SCN9A: variants seen among roughly 807,000 people sequenced by gnomAD.
SCN9A encodes the protein sodium voltage-gated channel alpha subunit 9.
SCN9A carries 131 observed loss-of-function variants against 187.0 expected under a neutral mutation model. The observed-to-expected ratio is 0.70, with a 90% confidence interval of 0.61 to 0.81. The LOEUF is 0.81. SCN9A is among the 30% of genes least tolerant of loss of function. The probability of loss-of-function intolerance (pLI) is 0.00; values close to 1 mark genes in which losing one functional copy is unlikely to be tolerated. For synonymous variants in SCN9A, 809 were observed against 808.6 expected, an observed-to-expected ratio of 1.00 and a Z score of -0.01; for missense variants, 2,252 against 2,396.6, an observed-to-expected ratio of 0.94 and a Z score of 1.26.
intron 1 of SCN9A, among the ~76,000 whole-genome samples, chr2:166,332,985 C>T (rs764029915): frequency 1.9e-4 from 29 of 150,672 alleles, no homozygotes; most frequent in Non-Finnish European, 3.0e-4. Context: ...ATATTTTTGT[C>T]CTCAAGAAAA....
At chr2:166,360,864 G>A (rs1436375270) in intron 1 of SCN9A, among the ~76,000 whole-genome samples, 1 of 152,086 alleles carries the variant, frequency 6.6e-6, no homozygotes, top group African/African-American at 2.4e-5. Context: ...AAAACCTTAC[G>A]AAAATCTTAT....
chr2:166,347,276 A>G (rs753375127), intron 1 of SCN9A, among the ~76,000 whole-genome samples: 2 of 152,070 alleles, frequency 1.3e-5, no homozygotes, highest in Non-Finnish European at 2.9e-5. Flanking sequence ...GTTGTTTCCA[A>G]TTACACCTAC....
At chr2:166,301,989 G>C (rs1355666746) in intron 7 of SCN9A, 1 of 150,758 alleles carries the variant, frequency 6.6e-6, no homozygotes, top group Admixed American at 6.6e-5. Context: ...ATGTGGGCTA[G>C]GTGTTATTTG....
rs1055848224 is a variant in SCN9A at position 166,205,364 on chromosome 2, T to C, written c.4399-900A>G. 3.3e-5 allele frequency: 5 copies of C among 152,224 alleles called. No individual in the cohort carries two copies. The South Asian group carries it at 8.3e-4, about 25-fold the overall frequency. The allele number at this position is 152,224 out of a possible 1,614,324, so 9.4% of individuals were successfully genotyped here. ...GGCCTCAGAAATAACACTACACATCTACAACCATCTGATCCTTGACAAACC... is the reference window on the plus strand; with the variant it reads ...GGCCTCAGAAATAACACTACACATCCACAACCATCTGATCCTTGACAAACC... On this transcript the variant is annotated intron_variant, in intron 24 of 26. Transcript: ENST00000642356.
intron 1 of SCN9A, among the ~76,000 whole-genome samples, chr2:166,322,893 T>G (rs1256116033): frequency 6.6e-6 from 1 of 152,152 alleles, no homozygotes; most frequent in African/African-American, 2.4e-5. Context: ...TTTCTGATTC[T>G]AAAAATGTTG....
chr2:166,305,440 AT>A (rs1167600373), intron 5 of SCN9A, among the ~76,000 whole-genome samples: 2 of 152,076 alleles, frequency 1.3e-5, no homozygotes, highest in African/African-American at 4.8e-5. Context: ...CTGTACTTGT[AT>A]TTAAAGGCCT....
At position 166,359,912 on chromosome 2, in the gene SCN9A, T is replaced by C. The variant is rs529641451; in HGVS notation, c.-51+15785A>G. 2.0e-5 allele frequency among the ~76,000 whole-genome samples: 3 copies of C among 151,490 alleles called. No homozygotes were observed. In the East Asian group the frequency reaches 5.8e-4, roughly 29 times the overall value. ...ATGTATAGCCTTTTAAAATATAGTA[T>C]TCCTCAAGTTTATAAGAAATGAAAG... On this transcript the variant is annotated intron_variant, in intron 1 of 26. Transcript: ENST00000642356.
At chr2:166,269,193 A>G (rs1696869626) in intron 17 of SCN9A, among the ~76,000 whole-genome samples, 1 of 152,034 alleles carries the variant, frequency 6.6e-6, no homozygotes, top group African/African-American at 2.4e-5. Flanking sequence ...AACTCAGTTT[A>G]TAGGGCACTA....
At chr2:166,264,160 C>T (rs1190078278) in intron 17 of SCN9A, among the ~76,000 whole-genome samples, 1 of 151,754 alleles carries the variant, frequency 6.6e-6, no homozygotes, top group Non-Finnish European at 1.5e-5. Context: ...ATCTTTTTTC[C>T]CTCAGCAATT....
In SCN9A at chr2:166,311,672, C is replaced by A. The variant is rs1210104999; in HGVS notation, c.85G>T (p.Glu29Ter). The A allele has an allele frequency of 6.2e-7, 1 of 1,613,384 alleles. No individual in the cohort carries two copies. Among genetic ancestry groups the A allele is most frequent in the Non-Finnish European group, 8.5e-7 (1 of 1,179,688 alleles). Reference sequence around the variant, plus strand: ...TCTTTGGGTTCCTTTGATTTTCTTTCAGCAATGCGTTGTTCAATGAGGGCA... The same window carrying A: ...TCTTTGGGTTCCTTTGATTTTCTTTAAGCAATGCGTTGTTCAATGAGGGCA... ...SLALIEQRIA[E>*]RKSKEPKEEK... The change falls in exon 2 of 27, where the codon GAA becomes TAA. Residue 29 changes from glutamate to a stop codon, truncating the protein, a stop_gained. Coordinates refer to ENST00000642356, the MANE Select transcript of SCN9A (RefSeq NM_001365536.1). LOFTEE classifies it high-confidence loss of function.
At chr2:166,223,654 AG>A (rs1202534518) in intron 24 of SCN9A, among the ~76,000 whole-genome samples, 1 of 152,246 alleles carries the variant, frequency 6.6e-6, no homozygotes, top group Non-Finnish European at 1.5e-5. Context: ...GACTTCCTGT[AG>A]TACTTCGTAA....
intron 17 of SCN9A, among the ~76,000 whole-genome samples, chr2:166,270,071 G>A (rs965601402): frequency 3.3e-5 from 5 of 151,880 alleles, no homozygotes; most frequent in African/African-American, 9.7e-5. Context: ...AAATGAACAC[G>A]GTTTTAAAAT....
In SCN9A at chr2:166,195,984, T is replaced by C. The variant is rs1318054997; in HGVS notation, c.*2688A>G. On this transcript the variant is annotated 3_prime_UTR_variant, in exon 27 of 27. Coordinates refer to ENST00000642356, the MANE Select transcript of SCN9A (RefSeq NM_001365536.1). Reference sequence around the variant, plus strand: ...GGTTGCTTGAGCCCAGAGTTGAGGCTGCAGAGAGCTATGATCATGCCATTG... The same window carrying C: ...GGTTGCTTGAGCCCAGAGTTGAGGCCGCAGAGAGCTATGATCATGCCATTG... The C allele has an allele frequency of 5.9e-5, 9 of 152,376 alleles. No homozygotes were observed. The highest frequency in any genetic ancestry group is 1.2e-4 in the Non-Finnish European group (8 of 68,100). The allele number at this position is 152,376 out of a possible 1,614,324, so 9.4% of individuals were successfully genotyped here. A position where few individuals can be genotyped will look rare whatever the true frequency, so the allele number is the denominator to read the frequency against.
Position 166,314,727 on chromosome 2 carries a change from T to C in SCN9A, c.-50-2921A>G, listed in dbSNP as rs551401679. Among the ~76,000 whole-genome samples the C allele has an allele frequency of 5.3e-5, 8 of 152,318 alleles. No homozygotes were observed. The South Asian group carries it at 1.7e-3, about 32-fold the overall frequency. ...AGGCCACATACGATATGATTCCATC[T>C]TATGAAATGTCCAGAATAGGCAAAT... On this transcript the variant is annotated intron_variant, in intron 1 of 26. Coordinates refer to ENST00000642356, the MANE Select transcript of SCN9A (RefSeq NM_001365536.1).
intron 19 of SCN9A, among the ~76,000 whole-genome samples, chr2:166,241,738 A>G: frequency 6.6e-6 from 1 of 152,146 alleles, no homozygotes; most frequent in East Asian, 1.9e-4. Context: ...TTACAAACAC[A>G]TCCAAGCTCT....
chr2:166,195,338 T>C lies in SCN9A; in HGVS notation c.*3334A>G, dbSNP rs1482176856. ...TTGTAAAGAATCCTATGTAAACAGC[T>C]TTATGATATTCATGGCTATTTATTT... On this transcript the variant is annotated 3_prime_UTR_variant, in exon 27 of 27. Transcript: ENST00000642356. 6.6e-6 allele frequency: 1 copy of C among 152,172 alleles called. No homozygotes were observed. Among genetic ancestry groups the C allele is most frequent in the African/African-American group, 2.4e-5 (1 of 41,448 alleles). The allele number at this position is 152,172 out of a possible 1,614,324, so 9.4% of individuals were successfully genotyped here. A position where few individuals can be genotyped will look rare whatever the true frequency, so the allele number is the denominator to read the frequency against.
intron 1 of SCN9A, among the ~76,000 whole-genome samples, chr2:166,347,826 G>T (rs939290673): frequency 3.3e-5 from 5 of 152,088 alleles, no homozygotes; most frequent in Non-Finnish European, 2.9e-5. Context: ...TCATGCCACA[G>T]AATTTAAAGA....
intron 11 of SCN9A, among the ~76,000 whole-genome samples, chr2:166,285,456 A>G (rs1697694820): frequency 6.6e-6 from 1 of 152,222 alleles, no homozygotes; most frequent in African/African-American, 2.4e-5. Flanking sequence ...GTAAAGAACA[A>G]AGTGGCAACT....
chr2:166,288,361 G>A (rs79991361), intron 10 of SCN9A, 76 bp downstream of exon 10: 68,036 of 1,124,304 alleles, frequency 0.061, 2,579 homozygotes, highest in South Asian at 0.13. Context: ...AGAAGGCCAA[G>A]CATATACCGC....
Sources: gnomAD v4.1 joint callset for allele counts (sites outside exome capture counted in the v4.1 genomes callset) on GRCh38, gnomAD v4.1.1 for gene constraint, MANE v1.5 for transcripts, NCBI Gene and HGNC (gene_info 2026-07-23, HGNC 2026-07-21) for gene names.